Variants in ANK2 observed in about 807,000 individuals in gnomAD.
ANK2 encodes the protein ankyrin-2.
ANK2 carries 83 observed loss-of-function variants against 360.5 expected under a neutral mutation model. The ratio of observed to expected loss-of-function variants is 0.23; its 90% CI spans 0.19 to 0.28. The LOEUF is 0.28. Ranked by LOEUF, ANK2 falls within the 10% of genes least tolerant of loss-of-function variation. The pLI is 1.00. For missense variants in ANK2, 4,201 were observed against 4,795.7 expected, an observed-to-expected ratio of 0.88 and a Z score of 3.66; for synonymous variants, 1,740 against 1,759.5, an observed-to-expected ratio of 0.99 and a Z score of 0.28.
intron 17 of ANK2, 152 bp downstream of exon 17, chr4:113,278,710 A>C (rs908738361): frequency 2.6e-6 from 2 of 764,728 alleles, no homozygotes; most frequent in African/African-American, 1.8e-5. Context: ...TTTCCCTTGT[A>C]TTTCTGCCAG....
At chr4:113,006,640 T>C (rs1207245312) in intron 2 of ANK2, among the ~76,000 whole-genome samples, 1 of 152,242 alleles carries the variant, frequency 6.6e-6, no homozygotes. Flanking sequence ...CAAATATACA[T>C]ATTCTTTGAT....
At chr4:113,208,264 T>C (rs141489564) in intron 4 of ANK2, among the ~76,000 whole-genome samples, 1 of 152,024 alleles carries the variant, frequency 6.6e-6, no homozygotes, top group African/African-American at 2.4e-5. Flanking sequence ...GTTGTCATGA[T>C]CTACTCCATA....
chr4:112,725,513 AC>A, the ANK2 span, among the ~76,000 whole-genome samples: 7 of 151,504 alleles, frequency 4.6e-5, no homozygotes, highest in African/African-American at 1.5e-4. Flanking sequence ...GATGCGAGTC[AC>A]CATGCCCGGC....
the ANK2 span, among the ~76,000 whole-genome samples, chr4:112,709,220 A>G: frequency 6.6e-6 from 1 of 152,198 alleles, no homozygotes; most frequent in African/African-American, 2.4e-5. Flanking sequence ...AGTTTCACCT[A>G]CTTTTTCCAA....
intron 33 of ANK2, 112 bp downstream of exon 33, chr4:113,342,028 A>G: frequency 2.5e-6 from 3 of 1,185,318 alleles, no homozygotes; most frequent in Non-Finnish European, 2.4e-6. Flanking sequence ...GTGAAAGACA[A>G]GTTCGCATTT....
chr4:112,812,744 G>A, the ANK2 span, among the ~76,000 whole-genome samples: 2 of 152,134 alleles, frequency 1.3e-5, no homozygotes, highest in South Asian at 4.1e-4. Flanking sequence ...AGATGCTTTT[G>A]GTGAAGTTGG....
At chr4:113,210,898 T>G (rs1010294399) in intron 4 of ANK2, among the ~76,000 whole-genome samples, 2 of 152,330 alleles carry the variant, frequency 1.3e-5, no homozygotes, top group South Asian at 2.1e-4. Context: ...TTATTAGATT[T>G]ATTGATTCTT....
Position 112,915,769 on chromosome 4 carries a change from T to TA in ANK2, c.21+11258dup, listed in dbSNP as rs1030873684. On this transcript the variant is annotated intron_variant, in intron 2 of 30. Coordinates refer to the ANK2 transcript ENST00000503271. ...GACTCTGTTTCAAAAAAAAAATAAA[T>TA]AAATAAATAAATAATAAATACATTT... Among the ~76,000 whole-genome samples the TA allele has an allele frequency of 7.7e-4, 113 of 147,176 alleles. 1 individual carries two copies. The highest frequency in any genetic ancestry group is 3.4e-3 in the Middle Eastern group (1 of 292).
intron 2 of ANK2, among the ~76,000 whole-genome samples, chr4:112,950,906 C>T (rs1348241521): frequency 1.3e-5 from 2 of 150,362 alleles, no homozygotes; most frequent in Non-Finnish European, 3.0e-5. Flanking sequence ...AACGGTGAAA[C>T]CCCGTCTCTA....
intron 8 of ANK2, among the ~76,000 whole-genome samples, chr4:113,241,147 C>T (rs1013840227): frequency 1.3e-5 from 2 of 151,936 alleles, no homozygotes; most frequent in Non-Finnish European, 1.5e-5. Context: ...TATGAATATA[C>T]AAAAATTACA....
In ANK2 at chr4:113,363,488, G is replaced by T. The variant is rs763519880; in HGVS notation, c.10888+19G>T. ...GCTACAGGTAAGTGGGGAACTATAT[G>T]CATATTGGGCTAAAGTTGGACATGT... On this transcript the variant is annotated intron_variant, in intron 40 of 45. Transcript: ENST00000357077. 1.6e-5 allele frequency: 26 copies of T among 1,612,778 alleles called. No homozygotes were observed. Among genetic ancestry groups the T allele is most frequent in the Non-Finnish European group, 2.0e-5 (24 of 1,179,236 alleles).
chr4:112,952,118 C>A (rs1316530957), intron 2 of ANK2, among the ~76,000 whole-genome samples: 1 of 152,158 alleles, frequency 6.6e-6, no homozygotes, highest in Admixed American at 6.5e-5. Context: ...CAAATATTCC[C>A]ACTAACGTTG....
intron 29 of ANK2, among the ~76,000 whole-genome samples, chr4:113,334,401 T>A (rs2093121976): frequency 6.6e-6 from 1 of 152,194 alleles, no homozygotes. Context: ...GATATTTTCC[T>A]CTGAGATATT....
At chr4:112,918,183 G>A (rs1205434417) in intron 2 of ANK2, among the ~76,000 whole-genome samples, 1 of 152,088 alleles carries the variant, frequency 6.6e-6, no homozygotes. Flanking sequence ...TGATTGATTA[G>A]GGGCAGCTTC....
At chr4:113,234,431 G>A (rs550963838) in intron 5 of ANK2, among the ~76,000 whole-genome samples, 19 of 151,880 alleles carry the variant, frequency 1.3e-4, no homozygotes, top group African/African-American at 4.3e-4. Flanking sequence ...ACTTTTTTCC[G>A]ATTGAATATA....
intron 2 of ANK2, among the ~76,000 whole-genome samples, chr4:112,968,501 T>C (rs2038206375): frequency 6.6e-6 from 1 of 152,230 alleles, no homozygotes; most frequent in South Asian, 2.1e-4. Flanking sequence ...CTGGTAAATT[T>C]ATCCTGCCAC....
chr4:113,306,430 GTTGTGGACTGT>G (rs1178632673), intron 23 of ANK2, among the ~76,000 whole-genome samples: 1 of 152,174 alleles, frequency 6.6e-6, no homozygotes, highest in Non-Finnish European at 1.5e-5. Context: ...ACCAGGCTCA[GTTGTGGACTGT>G]TTGAATTCTT....
At chr4:113,003,417 AT>A (rs1173270944) in intron 2 of ANK2, among the ~76,000 whole-genome samples, 3 of 152,234 alleles carry the variant, frequency 2.0e-5, no homozygotes, top group Non-Finnish European at 4.4e-5. Flanking sequence ...ATGAAAAAAA[AT>A]AATGAATCAA....
intron 2 of ANK2, among the ~76,000 whole-genome samples, chr4:112,958,083 C>T (rs1214981430): frequency 6.6e-6 from 1 of 150,480 alleles, no homozygotes; most frequent in Non-Finnish European, 1.5e-5. Context: ...GGATGGCGGC[C>T]GGGCAGAGAC....
Sources: gnomAD v4.1 joint callset for allele counts (sites outside exome capture counted in the v4.1 genomes callset) on GRCh38, gnomAD v4.1.1 for gene constraint, MANE v1.5 for transcripts, NCBI Gene and HGNC (gene_info 2026-07-23, HGNC 2026-07-21) for gene names.